Variants in CNTNAP4 observed in about 807,000 individuals in gnomAD.
CNTNAP4 encodes the protein contactin associated protein family member 4, also known as contactin-associated protein-like 4.
CNTNAP4 carries 98 observed loss-of-function variants against 148.4 expected under a neutral mutation model. That is an observed-to-expected ratio of 0.66 (90% confidence interval 0.56 to 0.78). The LOEUF is 0.78. Among genes scored for constraint, CNTNAP4 ranks in the 30% least tolerant of loss-of-function variants. The pLI is 0.00. For missense variants in CNTNAP4, 1,935 were observed against 1,565.6 expected (o/e 1.24, Z -3.98); for synonymous variants, 730 against 565.1 (o/e 1.29, Z -4.14).
intron 17 of CNTNAP4, among the ~76,000 whole-genome samples, chr16:76,530,419 G>A (rs901599530): frequency 6.6e-6 from 1 of 152,084 alleles, no homozygotes; most frequent in African/African-American, 2.4e-5. Context: ...TCTATATCCA[G>A]TAGGTAAATC....
intron 12 of CNTNAP4, among the ~76,000 whole-genome samples, chr16:76,480,912 G>T (rs12445605): frequency 6.6e-6 from 1 of 152,178 alleles, no homozygotes; most frequent in East Asian, 1.9e-4. Flanking sequence ...AAAATTATGA[G>T]TAAATACACA....
At position 76,489,746 on chromosome 16, in the gene CNTNAP4, A is replaced by C. The variant is rs113366124; in HGVS notation, c.1943A>C (p.Asn648Thr). The C allele has an allele frequency of 1.5e-4, 247 of 1,605,218 alleles. No individual in the cohort carries two copies. In the African/African-American group the frequency reaches 3.0e-3, roughly 20 times the overall value. ...GACTTAACAAGAGTCAGAAATACTA[A>C]TCCAGAGAACCCATATGCTGGGTTT... The part of the protein sequence containing the change: ...GSDLTRVRNT[N>T]PENPYAGFFE... The change falls in exon 13 of 24, where the codon AAT (asparagine) becomes ACT (threonine). Residue 648 changes from asparagine to threonine, a missense_variant. Physicochemically the swap from Asn to Thr is moderately conservative, Grantham distance 65. Coordinates refer to ENST00000611870, the MANE Select transcript of CNTNAP4 (RefSeq NM_033401.5).
At position 76,545,854 on chromosome 16, in the gene CNTNAP4, G is replaced by A. The variant is rs186165506; in HGVS notation, c.3442+5064G>A. ...AGATTGAGATCATCCTGGCTAACAC[G>A]GTGAAGCCCCATCTCTACTAAAATA... On this transcript the variant is annotated intron_variant, in intron 21 of 23. Transcript: ENST00000611870. Among the ~76,000 whole-genome samples, 389 of 152,134 alleles carry A rather than the reference G, an allele frequency of 2.6e-3. 1 individual carries two copies. Among genetic ancestry groups the A allele is most frequent in the African/African-American group, 8.9e-3 (368 of 41,500 alleles).
Position 76,521,231 on chromosome 16 carries a change from C to G in CNTNAP4, c.2457C>G (p.Phe819Leu), listed in dbSNP as rs1338972598. 3 of 1,611,484 alleles carry G rather than the reference C, an allele frequency of 1.9e-6. No homozygotes were observed. The highest frequency in any genetic ancestry group is 2.2e-5 in the East Asian group (1 of 44,720). Reference protein sequence around the residue: ...FHGELSADVSFFFKTTASSGV... With the variant: ...FHGELSADVSLFFKTTASSGV... ...GAGAACTTAGCGCGGATGTATCTTTCTTTTTTAAGACAACAGCTTCATCTG... is the reference window on the plus strand; with the variant it reads ...GAGAACTTAGCGCGGATGTATCTTTGTTTTTTAAGACAACAGCTTCATCTG... Residue 819 changes from phenylalanine (F) to leucine (L), a missense_variant, in exon 16 of 24, where the codon TTC (phenylalanine) becomes TTG (leucine). Physicochemically the swap from Phe to Leu is conservative, Grantham distance 22. Transcript: ENST00000611870.
At chr16:76,496,365 T>C (rs2082403937) in intron 14 of CNTNAP4, among the ~76,000 whole-genome samples, 1 of 152,104 alleles carries the variant, frequency 6.6e-6, no homozygotes. Flanking sequence ...CCATAACATA[T>C]TGCTAATTAA....
chr16:76,429,718 C>T (rs1449925947), intron 4 of CNTNAP4, among the ~76,000 whole-genome samples: 1 of 152,128 alleles, frequency 6.6e-6, no homozygotes, highest in Non-Finnish European at 1.5e-5. Flanking sequence ...CTAATGATAA[C>T]TCAAACCTCC....
At chr16:76,348,106 C>G (rs576482306) in intron 2 of CNTNAP4, among the ~76,000 whole-genome samples, 2 of 151,498 alleles carry the variant, frequency 1.3e-5, no homozygotes, top group African/African-American at 4.8e-5. Flanking sequence ...CAGCAGGATT[C>G]TTAATAATAA....
At chr16:76,397,925 C>T (rs1299760617) in intron 3 of CNTNAP4, among the ~76,000 whole-genome samples, 42 of 95,504 alleles carry the variant, frequency 4.4e-4, no homozygotes, top group South Asian at 2.3e-3. Context: ...TCTAGAGGGA[C>T]AGAACTAATA....
Position 76,522,202 on chromosome 16 carries a change from GC to G in CNTNAP4, c.2703del (p.Ala902ProfsTer36). On this transcript the variant is annotated frameshift_variant, in exon 17 of 24. Transcript: ENST00000611870. LOFTEE classifies it high-confidence loss of function. ...QVDQLTPKTQ[P>X]APADGHVLLQ... The stretch of plus-strand genomic sequence containing the variant: ...TGGATCAGCTGACACCAAAGACACA[GC>G]CCGCCCCCGCTGATGGGCATGTCCT... 1.9e-6 allele frequency: 3 copies of G among 1,613,970 alleles called. No homozygotes were observed. Among genetic ancestry groups the G allele is most frequent in the Non-Finnish European group, 2.5e-6 (3 of 1,179,896 alleles).
At chr16:76,433,296 A>T (rs2079681161) in intron 4 of CNTNAP4, among the ~76,000 whole-genome samples, 1 of 152,158 alleles carries the variant, frequency 6.6e-6, no homozygotes, top group African/African-American at 2.4e-5. Context: ...TACCAGGAGA[A>T]CTGAGGGAGA....
At chr16:76,466,264 G>A (rs2081173682) in intron 9 of CNTNAP4, among the ~76,000 whole-genome samples, 1 of 152,120 alleles carries the variant, frequency 6.6e-6, no homozygotes, top group South Asian at 2.1e-4. Context: ...GCTGGGAAGG[G>A]TAGTGGAGTT....
chr16:76,438,266 CAAGGTG>C (rs1415810047), intron 4 of CNTNAP4, among the ~76,000 whole-genome samples: 5 of 152,026 alleles, frequency 3.3e-5, no homozygotes, highest in African/African-American at 1.2e-4. Context: ...CTCACATGCT[CAAGGTG>C]AAATGCCAAG....
intron 13 of CNTNAP4, among the ~76,000 whole-genome samples, chr16:76,490,606 A>G (rs927170770): frequency 2.0e-5 from 3 of 152,136 alleles, no homozygotes; most frequent in African/African-American, 7.2e-5. Context: ...TAACCATCCA[A>G]TGCAAAATCC....
chr16:76,450,640 T>C (rs1367875641), intron 7 of CNTNAP4, among the ~76,000 whole-genome samples: 1 of 152,136 alleles, frequency 6.6e-6, no homozygotes, highest in East Asian at 1.9e-4. Context: ...ATGTAGGAAA[T>C]CTGCACCAAG....
intron 12 of CNTNAP4, among the ~76,000 whole-genome samples, chr16:76,489,473 G>T (rs933772084): frequency 6.6e-6 from 1 of 152,038 alleles, no homozygotes; most frequent in African/African-American, 2.4e-5. Flanking sequence ...TACTGTAAAT[G>T]CATGGCAATA....
chr16:76,469,864 T>A (rs908093948), intron 10 of CNTNAP4, among the ~76,000 whole-genome samples: 2 of 152,192 alleles, frequency 1.3e-5, no homozygotes, highest in Admixed American at 6.5e-5. Flanking sequence ...GCATACTTTT[T>A]AAATTTCCAA....
intron 2 of CNTNAP4, among the ~76,000 whole-genome samples, chr16:76,318,867 G>T (rs1389680303): frequency 6.6e-6 from 1 of 151,498 alleles, no homozygotes; most frequent in Admixed American, 6.6e-5. Context: ...AAAGTGTTCA[G>T]CCAAGTCTGC....
At chr16:76,512,751 C>T (rs570332639) in intron 15 of CNTNAP4, among the ~76,000 whole-genome samples, 9 of 151,964 alleles carry the variant, frequency 5.9e-5, no homozygotes, top group Admixed American at 2.0e-4. Flanking sequence ...GATAAATTGA[C>T]GAGGTGAAGA....
At chr16:76,396,547 T>C (rs1005485897) in intron 3 of CNTNAP4, among the ~76,000 whole-genome samples, 3 of 152,208 alleles carry the variant, frequency 2.0e-5, no homozygotes, top group Non-Finnish European at 4.4e-5. Context: ...CACTCAGACA[T>C]GATTACAGAG....
Sources: gnomAD v4.1 joint callset for allele counts (sites outside exome capture counted in the v4.1 genomes callset) on GRCh38, gnomAD v4.1.1 for gene constraint, MANE v1.5 for transcripts, NCBI Gene and HGNC (gene_info 2026-07-23, HGNC 2026-07-21) for gene names.